Variants in CRISPLD2 observed in about 807,000 individuals in gnomAD.
The protein encoded by CRISPLD2 is cysteine-rich secretory protein LCCL domain-containing 2.
Under a neutral mutation model 71.1 loss-of-function variants are expected in CRISPLD2, and 47 were observed. The observed-to-expected ratio is 0.66, with a 90% CI of 0.52 to 0.84. CRISPLD2 has a LOEUF of 0.84. Among genes scored for constraint, CRISPLD2 ranks in the 40% least tolerant of loss-of-function variants. The pLI is 0.00. For missense variants in CRISPLD2, 830 were observed against 651.1 expected, an observed-to-expected ratio of 1.27 and a Z score of -2.99; for synonymous variants, 317 against 250.1, an observed-to-expected ratio of 1.27 and a Z score of -2.52.
intron 6 of CRISPLD2, chr16:84,863,160 A>G (rs1034246792): frequency 6.6e-6 from 1 of 152,300 alleles, no homozygotes; most frequent in Admixed American, 6.5e-5. Context: ...CCGGAGGCAC[A>G]TGGCAGGGGT....
intron 7 of CRISPLD2, among the ~76,000 whole-genome samples, chr16:84,867,671 A>C (rs572515172): frequency 1.3e-5 from 2 of 152,262 alleles, no homozygotes; most frequent in African/African-American, 2.4e-5. Flanking sequence ...GGTTCAAGCA[A>C]TTCTCCTGCC....
intron 14 of CRISPLD2, among the ~76,000 whole-genome samples, chr16:84,901,187 T>A (rs368027457): frequency 1.3e-5 from 2 of 152,154 alleles, no homozygotes; most frequent in African/African-American, 4.8e-5. Flanking sequence ...TCCCGAGATA[T>A]ATTGTTAAGC....
chr16:84,828,904 A>G (rs930211539), intron 1 of CRISPLD2: 16 of 152,126 alleles, frequency 1.1e-4, no homozygotes, highest in Admixed American at 3.9e-4. Flanking sequence ...CAGAAATCCC[A>G]TAAGAATATA....
chr16:84,850,776 T>G, intron 5 of CRISPLD2, 93 bp downstream of exon 5: 1 of 882,918 alleles, frequency 1.1e-6, no homozygotes. Flanking sequence ...AGCAGCGAAG[T>G]CTTTAATATC....
At chr16:84,836,938 T>A (rs1017941892) in intron 1 of CRISPLD2, among the ~76,000 whole-genome samples, 1 of 152,204 alleles carries the variant, frequency 6.6e-6, no homozygotes. Context: ...GGCCTGGCAC[T>A]GTCTTTAGAG....
chr16:84,845,477 G>C lies in CRISPLD2; in HGVS notation c.241-309G>C, dbSNP rs186552866. Among the ~76,000 whole-genome samples the C allele has an allele frequency of 1.8e-3, 269 of 152,306 alleles. 1 individual carries two copies. The highest frequency in any genetic ancestry group is 6.0e-3 in the African/African-American group (248 of 41,566). The stretch of plus-strand genomic sequence containing the variant: ...GACCTTCCCTTGTCTTCCACACAGC[G>C]TGCCGTGTTACCCTCAGAGGTCACT... On this transcript the variant is annotated intron_variant, in intron 2 of 14. Transcript: ENST00000262424.
intron 2 of CRISPLD2, among the ~76,000 whole-genome samples, chr16:84,841,251 G>T (rs1386194706): frequency 6.6e-6 from 1 of 152,220 alleles, no homozygotes; most frequent in Admixed American, 6.5e-5. Flanking sequence ...GAGTGAGCAT[G>T]GTTGAGCAAG....
At chr16:84,847,659 A>AG (rs1455340076) in intron 3 of CRISPLD2, among the ~76,000 whole-genome samples, 1 of 152,028 alleles carries the variant, frequency 6.6e-6, no homozygotes, top group African/African-American at 2.4e-5. Flanking sequence ...TCAAAAAAAA[A>AG]AAAAAATCTT....
intron 4 of CRISPLD2, among the ~76,000 whole-genome samples, chr16:84,850,137 C>T (rs1248299373): frequency 1.3e-5 from 2 of 150,998 alleles, no homozygotes; most frequent in Non-Finnish European, 2.9e-5. Context: ...GTCGCCCAGG[C>T]TGGAGTGCAG....
intron 13 of CRISPLD2, among the ~76,000 whole-genome samples, chr16:84,882,371 A>AAAAAAATGAAAT (rs368239840): frequency 8.8e-6 from 1 of 114,184 alleles, no homozygotes; most frequent in African/African-American, 3.7e-5. Context: ...AAAAAAAAAA[A>AAAAAAATGAAAT]GCAAGAACTT....
chr16:84,903,720 C>G (rs995444992), intron 14 of CRISPLD2, among the ~76,000 whole-genome samples: 5 of 152,062 alleles, frequency 3.3e-5, no homozygotes, highest in African/African-American at 1.2e-4. Flanking sequence ...TGCAGAATGC[C>G]AAAGCAGGAT....
At chr16:84,901,726 C>T (rs1248894254) in intron 14 of CRISPLD2, among the ~76,000 whole-genome samples, 3 of 150,680 alleles carry the variant, frequency 2.0e-5, no homozygotes, top group East Asian at 1.9e-4. Flanking sequence ...GATCCACCTG[C>T]CTCAACCTCT....
rs1241684602 is a variant in CRISPLD2 at position 84,854,661 on chromosome 16, G to C, written c.609-68G>C. On this transcript the variant is annotated intron_variant, in intron 5 of 14. Coordinates refer to ENST00000262424, the MANE Select transcript of CRISPLD2 (RefSeq NM_031476.4). ...TGTTCAGGGACTCACGTGGGCCTTG[G>C]AAGAGGATCAGTCCCGAGGCCTCAC... 8 of 1,174,684 alleles carry C rather than the reference G, an allele frequency of 6.8e-6. No individual in the cohort carries two copies. The African/African-American group carries it at 1.1e-4, about 15-fold the overall frequency. 72.8% of individuals were successfully genotyped at this position (1,174,684 alleles called of 1,614,324 possible).
At chr16:84,867,127 T>G in intron 7 of CRISPLD2, 87 bp downstream of exon 7, 1 of 1,423,834 alleles carries the variant, frequency 7.0e-7, no homozygotes, top group South Asian at 1.2e-5. Context: ...GCTAGTGGAT[T>G]TAGGTCTGCA....
chr16:84,880,510 A>C lies in CRISPLD2; in HGVS notation c.1231A>C (p.Ile411Leu). ...ACATAAATGCTTCCTGTTTTTCAGA[A>C]TCCATTGTCCGGCACACTGCAAAGA... The part of the protein sequence containing the change: ...FEKPATHCPR[I>L]HCPAHCKDEP... Residue 411 changes from isoleucine (I) to leucine (L), a missense_variant and splice_region_variant, in exon 13 of 15, where the codon ATC becomes CTC. Coordinates refer to ENST00000262424, the MANE Select transcript of CRISPLD2 (RefSeq NM_031476.4). 1 of 1,610,546 alleles carries C rather than the reference A, an allele frequency of 6.2e-7. No individual in the cohort carries two copies. The highest frequency in any genetic ancestry group is 1.1e-5 in the South Asian group (1 of 90,712).
At chr16:84,855,111 G>C (rs892061036) in intron 6 of CRISPLD2, among the ~76,000 whole-genome samples, 1 of 152,046 alleles carries the variant, frequency 6.6e-6, no homozygotes, top group Non-Finnish European at 1.5e-5. Context: ...AGCATTAAAT[G>C]CAGACGCACT....
chr16:84,838,869 G>A (rs928687890), intron 2 of CRISPLD2, 134 bp downstream of exon 2: 3 of 1,128,136 alleles, frequency 2.7e-6, no homozygotes, highest in Non-Finnish European at 3.9e-6. Flanking sequence ...TCTGGCAGGG[G>A]AGGATCCCGG....
At position 84,844,462 on chromosome 16, in the gene CRISPLD2, CTTTCT is replaced by C. The variant is rs547721018; in HGVS notation, c.241-1306_241-1302del. The stretch of plus-strand genomic sequence containing the variant: ...CCATCCCCGCCATCCATCTCTGGCA[CTTTCT>C]TTTCTTTTCTTTTCTTTCTTTTTTT... On this transcript the variant is annotated intron_variant, in intron 2 of 14. Transcript: ENST00000262424. Among the ~76,000 whole-genome samples the C allele has an allele frequency of 6.7e-3, 1,026 of 152,076 alleles. 7 individuals carry two copies. The highest frequency in any genetic ancestry group is 0.011 in the Non-Finnish European group (734 of 67,968).
intron 2 of CRISPLD2, chr16:84,842,382 G>T (rs12102379): frequency 0.83 from 116,123 of 139,512 alleles, 48,080 homozygotes; most frequent in Non-Finnish European, 0.86. Context: ...CTTTCTTATT[G>T]TTTTTTTTTT....
Sources: gnomAD v4.1 joint callset for allele counts (sites outside exome capture counted in the v4.1 genomes callset) on GRCh38, gnomAD v4.1.1 for gene constraint, MANE v1.5 for transcripts, NCBI Gene and HGNC (gene_info 2026-07-23, HGNC 2026-07-21) for gene names.